ADGRL2: variants seen among roughly 807,000 people sequenced by gnomAD.
ADGRL2 encodes adhesion G protein-coupled receptor L2.
A neutral mutation model predicts 157.4 loss-of-function variants in ADGRL2; 44 were observed. That is an observed-to-expected ratio of 0.28 (90% CI 0.22 to 0.36). The LOEUF is 0.36. ADGRL2 is among the 10% of genes least tolerant of loss of function. ADGRL2 has a pLI of 1.00. For synonymous variants in ADGRL2, 585 were observed against 624.7 expected (o/e 0.94, Z 0.95); for missense variants, 1,510 against 1,768.9 (o/e 0.85, Z 2.63).
At chr1:81,454,164 ACT>A (rs745374728) in intron 2 of ADGRL2, among the ~76,000 whole-genome samples, 7 of 147,310 alleles carry the variant, frequency 4.8e-5, no homozygotes, top group Non-Finnish European at 1.0e-4. Context: ...CTCAATCCTC[ACT>A]CTTTTTTTTT....
intron 1 of ADGRL2, among the ~76,000 whole-genome samples, chr1:81,835,453 T>C (rs67064961): frequency 0.073 from 11,086 of 152,224 alleles, 508 homozygotes; most frequent in South Asian, 0.16. Context: ...GGCACATTGC[T>C]ACAGCAGTTG....
intron 2 of ADGRL2, among the ~76,000 whole-genome samples, chr1:81,886,659 A>G (rs1258313739): frequency 6.6e-6 from 1 of 152,178 alleles, no homozygotes; most frequent in Non-Finnish European, 1.5e-5. Context: ...TCAGTTGACT[A>G]CTTATTCAGC....
chr1:81,670,835 C>T (rs1396737031), intron 3 of ADGRL2, among the ~76,000 whole-genome samples: 1 of 152,158 alleles, frequency 6.6e-6, no homozygotes, highest in Admixed American at 6.5e-5. Context: ...TCACCTCAGC[C>T]TGTAGTTAGG....
intron 3 of ADGRL2, among the ~76,000 whole-genome samples, chr1:81,609,041 AT>A (rs11348276): frequency 0.37 from 53,825 of 145,698 alleles, 9,554 homozygotes; most frequent in Admixed American, 0.42. Flanking sequence ...TGTACAAGTG[AT>A]TTTTTTTTTT....
intron 1 of ADGRL2, among the ~76,000 whole-genome samples, chr1:81,440,508 C>T (rs1570974027): frequency 6.6e-6 from 1 of 152,180 alleles, no homozygotes. Flanking sequence ...GGCTTCCTTA[C>T]CTTTGGTAAA....
intron 1 of ADGRL2, among the ~76,000 whole-genome samples, chr1:81,734,753 C>T (rs900856270): frequency 6.7e-6 from 1 of 149,276 alleles, no homozygotes; most frequent in African/African-American, 2.4e-5. Flanking sequence ...TGTAAGTTGG[C>T]CAGGCCATGG....
rs557344452 is a variant in ADGRL2, at chr1:81,411,811, A to C, written c.-301-33225A>C. 4.0e-3 allele frequency among the ~76,000 whole-genome samples: 608 copies of C among 150,164 alleles called. 3 individuals are homozygous for C. The highest frequency in any genetic ancestry group is 0.014 in the African/African-American group (577 of 40,868). Reference sequence around the variant, plus strand: ...AGGAGAATGGCGTGAACCCGGGAGGAGGAGCTTGCAGTGAGCTGAGATCGC... The same window carrying C: ...AGGAGAATGGCGTGAACCCGGGAGGCGGAGCTTGCAGTGAGCTGAGATCGC... On this transcript the variant is annotated intron_variant, in intron 1 of 24. Transcript: ENST00000370721.
intron 2 of ADGRL2, among the ~76,000 whole-genome samples, chr1:81,880,339 A>T (rs774018169): frequency 1.5e-4 from 23 of 152,176 alleles, no homozygotes; most frequent in Non-Finnish European, 3.4e-4. Flanking sequence ...TTGTACAGAG[A>T]TGAAAAATTA....
At position 81,728,204 on chromosome 1, in the gene ADGRL2, T is replaced by C. The variant is rs567707714; in HGVS notation, c.-143+28396T>C. Reference sequence around the variant, plus strand: ...CAGAAGTACAAATTGTGTCCAATCATGCTTACTTAGGCAAAAACAAGTTCT... The same window carrying C: ...CAGAAGTACAAATTGTGTCCAATCACGCTTACTTAGGCAAAAACAAGTTCT... On this transcript the variant is annotated intron_variant, in intron 1 of 20. Transcript: ENST00000359929. Among the ~76,000 whole-genome samples the C allele has an allele frequency of 2.0e-5, 3 of 152,316 alleles. No homozygotes were observed. The East Asian group carries it at 5.8e-4, about 29-fold the overall frequency.
chr1:81,420,713 T>A (rs2077109190), intron 1 of ADGRL2, among the ~76,000 whole-genome samples: 1 of 152,214 alleles, frequency 6.6e-6, no homozygotes, highest in Non-Finnish European at 1.5e-5. Context: ...CCTTCAGTTG[T>A]CGTGCTTAGG....
In ADGRL2 at chr1:81,468,870, G is replaced by A. The variant is rs2078113545; in HGVS notation, c.-248+23781G>A. 2.0e-5 allele frequency among the ~76,000 whole-genome samples: 3 copies of A among 152,156 alleles called. No individual in the cohort carries two copies. In the South Asian group the frequency reaches 6.2e-4, roughly 31 times the overall value. ...TACTGAGATGGTAAGAGAAAATCCA[G>A]TGCATCACAATCACAAAAGTAAACT... On this transcript the variant is annotated intron_variant, in intron 2 of 24. Coordinates refer to the ADGRL2 transcript ENST00000370721.
At chr1:81,308,896 C>CA (rs753308084) in intron 1 of ADGRL2, among the ~76,000 whole-genome samples, 10 of 152,144 alleles carry the variant, frequency 6.6e-5, no homozygotes, top group Non-Finnish European at 1.3e-4. Context: ...CTGTTCAAGA[C>CA]AAGTTACATT....
intron 2 of ADGRL2, among the ~76,000 whole-genome samples, chr1:81,452,021 T>C (rs1359845877): frequency 6.6e-6 from 1 of 152,150 alleles, no homozygotes; most frequent in African/African-American, 2.4e-5. Context: ...TATGGAAGAT[T>C]GTTTTCTTGT....
At chr1:81,425,860 A>AATTT (rs34701013) in intron 1 of ADGRL2, among the ~76,000 whole-genome samples, 71,973 of 149,512 alleles carry the variant, frequency 0.48, 17,724 homozygotes, top group Non-Finnish European at 0.53. Flanking sequence ...AGAAAATACA[A>AATTT]ATTTATTTAT....
chr1:81,883,266 C>T (rs1007666768), intron 2 of ADGRL2, among the ~76,000 whole-genome samples: 2 of 152,158 alleles, frequency 1.3e-5, no homozygotes, highest in Non-Finnish European at 2.9e-5. Context: ...TCTAACATTA[C>T]TTGAGCACTA....
At chr1:81,772,468 C>T (rs1441216481) in intron 2 of ADGRL2, among the ~76,000 whole-genome samples, 2 of 152,030 alleles carry the variant, frequency 1.3e-5, no homozygotes, top group Non-Finnish European at 2.9e-5. Flanking sequence ...ACGGCTCACA[C>T]CTGTAATCCC....
At chr1:81,556,614 C>CAA (rs77400301) in intron 2 of ADGRL2, among the ~76,000 whole-genome samples, 2,711 of 144,022 alleles carry the variant, frequency 0.019, 74 homozygotes, top group African/African-American at 0.064. Flanking sequence ...TGCTAAAGAC[C>CAA]AAAAAAAAAA....
chr1:81,756,321 T>G (rs1218730054), intron 1 of ADGRL2, among the ~76,000 whole-genome samples: 1 of 44,616 alleles, frequency 2.2e-5, no homozygotes, highest in Non-Finnish European at 4.1e-5. Flanking sequence ...TCTTTTATCA[T>G]TCATTCATTC....
intron 2 of ADGRL2, among the ~76,000 whole-genome samples, chr1:81,538,246 T>G (rs1001506748): frequency 2.6e-5 from 4 of 151,886 alleles, no homozygotes; most frequent in Admixed American, 2.6e-4. Flanking sequence ...TCAAACAAGG[T>G]GCAGGTTAGT....
Sources: gnomAD v4.1 joint callset for allele counts (sites outside exome capture counted in the v4.1 genomes callset) on GRCh38, gnomAD v4.1.1 for gene constraint, MANE v1.5 for transcripts, NCBI Gene and HGNC (gene_info 2026-07-23, HGNC 2026-07-21) for gene names.